Variants in ACYP2 observed in about 807,000 individuals in gnomAD.
The protein encoded by ACYP2 is acylphosphatase-2.
In ACYP2, 12 loss-of-function variants were observed where a neutral mutation model predicts 11.2. That is an observed-to-expected ratio of 1.08 (90% CI 0.69 to 1.74). The LOEUF is 1.74. Ranked by LOEUF, ACYP2 falls within the 40% of genes most tolerant of loss-of-function variation. The probability of loss-of-function intolerance (pLI) is 0.00; values close to 1 mark genes in which losing one functional copy is unlikely to be tolerated. For missense variants in ACYP2, 134 were observed against 101.9 expected (o/e 1.31, Z -1.35); for synonymous variants, 43 against 32.2 (o/e 1.33, Z -1.13).
At chr2:54,212,468 T>C (rs1272040182) in intron 6 of ACYP2, among the ~76,000 whole-genome samples, 1 of 152,232 alleles carries the variant, frequency 6.6e-6, no homozygotes, top group African/African-American at 2.4e-5. Context: ...TGTGCTTTAC[T>C]AGGACTGGAA....
chr2:54,010,303 G>A (rs1179902015), intron 2 of ACYP2, among the ~76,000 whole-genome samples: 2 of 152,102 alleles, frequency 1.3e-5, no homozygotes, highest in East Asian at 1.9e-4. Context: ...GGCCAACATG[G>A]TGAAACCCTG....
At chr2:54,211,244 T>A (rs1558616347) in intron 6 of ACYP2, among the ~76,000 whole-genome samples, 1 of 152,244 alleles carries the variant, frequency 6.6e-6, no homozygotes. Flanking sequence ...AAATTTTTGT[T>A]TTAGAAATAC....
chr2:54,062,268 G>C (rs1238952575), intron 4 of ACYP2, among the ~76,000 whole-genome samples: 6 of 152,016 alleles, frequency 3.9e-5, no homozygotes, highest in Non-Finnish European at 8.8e-5. Context: ...TACGGCTCAG[G>C]GGCTTCTCTA....
chr2:54,060,255 T>C (rs1269810811), intron 4 of ACYP2, among the ~76,000 whole-genome samples: 1 of 152,194 alleles, frequency 6.6e-6, no homozygotes, highest in Admixed American at 6.5e-5. Context: ...TTTTTTTCTC[T>C]CTTTTTGGCT....
chr2:53,977,072 G>A (rs536383594), intron 2 of ACYP2, among the ~76,000 whole-genome samples: 1 of 151,820 alleles, frequency 6.6e-6, no homozygotes, highest in Non-Finnish European at 1.5e-5. Flanking sequence ...TTTTCAGATG[G>A]AGTCCTGCTC....
intron 4 of ACYP2, among the ~76,000 whole-genome samples, chr2:54,103,427 C>T (rs1038488804): frequency 6.6e-6 from 1 of 152,110 alleles, no homozygotes; most frequent in Non-Finnish European, 1.5e-5. Context: ...GGTCTTAATT[C>T]CTTTCAGTTT....
At chr2:54,135,308 CCA>C in intron 4 of ACYP2, 143 bp from the exon 2 acceptor site, 2 of 668,074 alleles carry the variant, frequency 3.0e-6, no homozygotes, top group Non-Finnish European at 5.1e-6. Context: ...TATTGTAGGA[CCA>C]CAGTTGATGG....
intron 4 of ACYP2, among the ~76,000 whole-genome samples, chr2:54,126,604 A>AG (rs1033238502): frequency 4.0e-5 from 6 of 151,552 alleles, no homozygotes; most frequent in South Asian, 2.1e-4. Context: ...TTGCAAAAAA[A>AG]AAAAAAAAAA....
chr2:54,149,452 C>T (rs1682044904), intron 6 of ACYP2, among the ~76,000 whole-genome samples: 1 of 152,142 alleles, frequency 6.6e-6, no homozygotes, highest in African/African-American at 2.4e-5. Context: ...GTGGTAAGTT[C>T]TGCCAACATT....
intron 4 of ACYP2, among the ~76,000 whole-genome samples, chr2:54,085,666 C>T (rs568331639): frequency 6.6e-6 from 1 of 152,096 alleles, no homozygotes; most frequent in South Asian, 2.1e-4. Context: ...TTTCCAAGAA[C>T]TTATTGACAA....
intron 6 of ACYP2, among the ~76,000 whole-genome samples, chr2:54,210,905 T>A (rs1217353729): frequency 3.9e-5 from 6 of 152,196 alleles, no homozygotes; most frequent in South Asian, 2.1e-4. Context: ...AGAAAAAAAA[T>A]TTTTTTGCAT....
intron 4 of ACYP2, among the ~76,000 whole-genome samples, chr2:54,060,046 T>G (rs1330326209): frequency 6.6e-6 from 1 of 152,236 alleles, no homozygotes; most frequent in Non-Finnish European, 1.5e-5. Flanking sequence ...CTTTTTTAAT[T>G]CATTGGGCTG....
chr2:54,175,909 G>A (rs539424592), intron 6 of ACYP2, among the ~76,000 whole-genome samples: 1 of 152,254 alleles, frequency 6.6e-6, no homozygotes, highest in East Asian at 1.9e-4. Context: ...TAGATGATCA[G>A]ATCATAAGGG....
intron 2 of ACYP2, among the ~76,000 whole-genome samples, chr2:54,007,476 A>G (rs1197859051): frequency 2.6e-5 from 4 of 152,050 alleles, no homozygotes; most frequent in South Asian, 2.1e-4. Flanking sequence ...GATGGTCTTG[A>G]TCTGTTGACC....
intron 6 of ACYP2, among the ~76,000 whole-genome samples, chr2:54,243,678 T>C (rs1008452271): frequency 2.0e-5 from 3 of 152,120 alleles, no homozygotes; most frequent in African/African-American, 7.2e-5. Flanking sequence ...CAAGCGATTC[T>C]CCTGCCTTAG....
intron 4 of ACYP2, among the ~76,000 whole-genome samples, chr2:54,112,337 A>G (rs548238587): frequency 6.6e-6 from 1 of 152,316 alleles, no homozygotes; most frequent in Non-Finnish European, 1.5e-5. Context: ...TTAATCATGC[A>G]TTGTACGTGA....
chr2:54,302,681 G>A (rs571111768), intron 6 of ACYP2, among the ~76,000 whole-genome samples: 1 of 152,162 alleles, frequency 6.6e-6, no homozygotes, highest in African/African-American at 2.4e-5. Flanking sequence ...CATCTCAAAT[G>A]TAACATTCCA....
At chr2:53,972,190 A>G (rs1436726351) in intron 1 of ACYP2, among the ~76,000 whole-genome samples, 102 of 136,304 alleles carry the variant, frequency 7.5e-4, no homozygotes, top group Middle Eastern at 5.3e-3. Flanking sequence ...GACGCCTGTA[A>G]TCCCAGCTAC....
chr2:54,040,007 C>T (rs1385393294), intron 2 of ACYP2, among the ~76,000 whole-genome samples: 2 of 152,004 alleles, frequency 1.3e-5, no homozygotes, highest in Admixed American at 6.6e-5. Context: ...AGTCATGAGC[C>T]ACTGTGCCTG....
Sources: allele counts gnomAD v4.1 joint callset (sites outside exome capture counted in the v4.1 genomes callset), GRCh38; gene constraint gnomAD v4.1.1; transcripts MANE v1.5; gene names NCBI Gene and HGNC (gene_info 2026-07-23, HGNC 2026-07-21).